COL5A2: variants seen among roughly 807,000 people sequenced by gnomAD.
COL5A2 encodes collagen alpha-2(V) chain.
A neutral mutation model predicts 208.2 loss-of-function variants in COL5A2; 23 were observed. The ratio of observed to expected loss-of-function variants is 0.11; its 90% CI spans 0.08 to 0.16. COL5A2 has a LOEUF of 0.16. COL5A2 is among the 10% of genes least tolerant of loss of function. COL5A2 has a pLI of 1.00. For synonymous variants in COL5A2, 625 were observed against 628.5 expected, an observed-to-expected ratio of 0.99 and a Z score of 0.08; for missense variants, 1,590 against 1,956.4, an observed-to-expected ratio of 0.81 and a Z score of 3.53.
At chr2:189,362,929 G>A in the COL5A2 span, among the ~76,000 whole-genome samples, 1 of 151,980 alleles carries the variant, frequency 6.6e-6, no homozygotes, top group Admixed American at 6.6e-5. Flanking sequence ...TTAATTATAA[G>A]CCAGTTTTTG....
the COL5A2 span, among the ~76,000 whole-genome samples, chr2:189,417,825 T>TAC: frequency 6.6e-6 from 1 of 151,648 alleles, no homozygotes. Context: ...TATATATATA[T>TAC]ACACATACAT....
chr2:189,332,802 G>A, the COL5A2 span, among the ~76,000 whole-genome samples: 1 of 152,296 alleles, frequency 6.6e-6, no homozygotes, highest in Non-Finnish European at 1.5e-5. Flanking sequence ...TACCAGTAGA[G>A]TGGGGCCCTG....
chr2:189,183,112 A>G (rs985529076), upstream of COL5A2, among the ~76,000 whole-genome samples: 1 of 152,002 alleles, frequency 6.6e-6, no homozygotes, highest in Non-Finnish European at 1.5e-5. Context: ...CCATCCCCAT[A>G]TCAGGATCTT....
At chr2:189,110,134 T>C (rs2105711599) in intron 2 of COL5A2, 91 bp downstream of exon 2, 1 of 992,236 alleles carries the variant, frequency 1.0e-6, no homozygotes, top group East Asian at 2.4e-5. Flanking sequence ...TTAATTATTC[T>C]CTTGAGTTGC....
At chr2:189,034,847 G>C in intron 53 of COL5A2, 69 bp downstream of exon 53, 1 of 1,592,888 alleles carries the variant, frequency 6.3e-7, no homozygotes, top group Non-Finnish European at 8.6e-7. Flanking sequence ...TTCTAGTGCT[G>C]TAATAGTATT....
At chr2:189,319,785 ATGTCCC>A in the COL5A2 span, among the ~76,000 whole-genome samples, 1 of 152,222 alleles carries the variant, frequency 6.6e-6, no homozygotes, top group African/African-American at 2.4e-5. Context: ...GCAGACTTAA[ATGTCCC>A]TGTCTGACAG....
chr2:189,313,234 T>G, the COL5A2 span, among the ~76,000 whole-genome samples: 5 of 152,174 alleles, frequency 3.3e-5, no homozygotes, highest in Non-Finnish European at 7.3e-5. Context: ...AATCTATGAC[T>G]GATAAGTTTA....
chr2:189,284,655 A>C, the COL5A2 span, among the ~76,000 whole-genome samples: 2 of 152,172 alleles, frequency 1.3e-5, no homozygotes. Context: ...ACACAGAGAC[A>C]AACCATATCA....
the COL5A2 span, among the ~76,000 whole-genome samples, chr2:189,263,998 A>G: frequency 2.5e-4 from 38 of 152,304 alleles, no homozygotes; most frequent in Admixed American, 4.6e-4. Flanking sequence ...AAAAGTCAAT[A>G]ACAAAGATAA....
the COL5A2 span, among the ~76,000 whole-genome samples, chr2:189,366,418 A>G: frequency 6.6e-6 from 1 of 152,226 alleles, no homozygotes; most frequent in Non-Finnish European, 1.5e-5. Context: ...GAAAGGTACC[A>G]TTGACATCTG....
chr2:189,228,621 GAA>G (rs1689446398), upstream of COL5A2, among the ~76,000 whole-genome samples: 1 of 151,596 alleles, frequency 6.6e-6, no homozygotes, highest in South Asian at 2.1e-4. Flanking sequence ...TAAAGAAACA[GAA>G]AAACCAAACA....
the COL5A2 span, among the ~76,000 whole-genome samples, chr2:189,315,219 A>C: frequency 6.6e-6 from 1 of 152,124 alleles, no homozygotes; most frequent in South Asian, 2.1e-4. Flanking sequence ...AAAATATATC[A>C]AAATAGCTGA....
the COL5A2 span, among the ~76,000 whole-genome samples, chr2:189,410,387 C>G: frequency 6.6e-6 from 1 of 151,872 alleles, no homozygotes; most frequent in African/African-American, 2.4e-5. Flanking sequence ...CTGACCAAGA[C>G]CCCCATCTCT....
At chr2:189,205,663 TA>T (rs1288040393) in intron 1 of COL5A2, among the ~76,000 whole-genome samples, 2 of 152,206 alleles carry the variant, frequency 1.3e-5, no homozygotes, top group East Asian at 3.8e-4. Flanking sequence ...ATTAGTAAAG[TA>T]ATTGCATATA....
the COL5A2 span, among the ~76,000 whole-genome samples, chr2:189,232,557 T>C: frequency 6.6e-6 from 1 of 151,890 alleles, no homozygotes; most frequent in Middle Eastern, 3.4e-3. Flanking sequence ...AAAAGGTTTT[T>C]CTGGAATATG....
chr2:189,066,626 G>A, intron 22 of COL5A2, 103 bp downstream of exon 22: 2 of 1,332,790 alleles, frequency 1.5e-6, no homozygotes, highest in Non-Finnish European at 2.2e-6. Flanking sequence ...TTCATCTCAA[G>A]CTATTATAAT....
chr2:189,071,585 G>A (rs939409443), intron 18 of COL5A2, among the ~76,000 whole-genome samples: 9 of 152,184 alleles, frequency 5.9e-5, no homozygotes, highest in African/African-American at 2.2e-4. Flanking sequence ...CTGGGGGAGT[G>A]CAGAGTGATA....
chr2:189,032,769 G>A lies in COL5A2; in HGVS notation c.*1301C>T, dbSNP rs1685361502. 6.6e-6 allele frequency: 1 copy of A among 152,586 alleles called. No individual in the cohort carries two copies. Among genetic ancestry groups the A allele is most frequent in the Non-Finnish European group, 1.5e-5 (1 of 68,018 alleles). 9.5% of individuals were successfully genotyped at this position (152,586 alleles called of 1,614,324 possible). ...ACAGAGGAACAGTGAACAAGCATTG[G>A]AACGATGCTCTTTCTTTCAGAAACG... On this transcript the variant is annotated 3_prime_UTR_variant, in exon 54 of 54. Transcript: ENST00000374866.
intron 1 of COL5A2, among the ~76,000 whole-genome samples, chr2:189,219,581 G>C (rs1689321875): frequency 6.6e-6 from 1 of 152,102 alleles, no homozygotes; most frequent in African/African-American, 2.4e-5. Flanking sequence ...AGAAAGTGTA[G>C]ATTACACTAT....
Sources: allele counts gnomAD v4.1 joint callset (sites outside exome capture counted in the v4.1 genomes callset), GRCh38; gene constraint gnomAD v4.1.1; transcripts MANE v1.5; gene names NCBI Gene and HGNC (gene_info 2026-07-23, HGNC 2026-07-21).